The following PLS1 variants were observed in gnomAD, a reference collection of about 807,000 sequenced individuals.
The protein encoded by PLS1 is plastin 1, also known as plastin-1.
A neutral mutation model predicts 73.7 loss-of-function variants in PLS1; 32 were observed. The observed-to-expected ratio is 0.43, with a 90% CI of 0.33 to 0.58. The LOEUF is 0.58. Ranked by LOEUF, PLS1 falls within the 20% of genes least tolerant of loss-of-function variation. The pLI is 0.04. For missense variants in PLS1, 633 were observed against 740.5 expected (o/e 0.85, Z 1.68); for synonymous variants, 217 against 261.3 (o/e 0.83, Z 1.63).
At position 142,704,100 on chromosome 3, in the gene PLS1, A is replaced by G. The variant is rs1417712696; in HGVS notation, c.1505+99A>G. ...TTTTGAACAATAATGAACACAGAAGAAATATACAATGCAAAATATTTTAAT... is the reference window on the plus strand; with the variant it reads ...TTTTGAACAATAATGAACACAGAAGGAATATACAATGCAAAATATTTTAAT... On this transcript the variant is annotated intron_variant, in intron 13 of 15. Coordinates refer to ENST00000457734, the MANE Select transcript of PLS1 (RefSeq NM_001145319.2). 3.3e-5 allele frequency: 30 copies of G among 902,946 alleles called. No individual in the cohort carries two copies. In the East Asian group the frequency reaches 7.6e-4, roughly 23 times the overall value. 55.9% of individuals were successfully genotyped at this position (902,946 alleles called of 1,614,324 possible).
chr3:142,605,065 A>G (rs187111376), intron 1 of PLS1, among the ~76,000 whole-genome samples: 15 of 152,336 alleles, frequency 9.8e-5, no homozygotes, highest in African/African-American at 2.9e-4. Flanking sequence ...CAGTTGGCCT[A>G]TGATCAGAAC....
intron 1 of PLS1, among the ~76,000 whole-genome samples, chr3:142,634,295 A>G (rs1344440707): frequency 6.6e-6 from 1 of 152,218 alleles, no homozygotes; most frequent in Non-Finnish European, 1.5e-5. Flanking sequence ...ATTTGATGAA[A>G]CCTATAAACC....
chr3:142,706,336 G>C (rs887134604), intron 14 of PLS1, among the ~76,000 whole-genome samples: 1 of 152,144 alleles, frequency 6.6e-6, no homozygotes, highest in African/African-American at 2.4e-5. Context: ...CCAATTGAAT[G>C]GTCAGTGAAG....
At chr3:142,602,607 C>T (rs143318025) in intron 1 of PLS1, among the ~76,000 whole-genome samples, 1 of 152,046 alleles carries the variant, frequency 6.6e-6, no homozygotes, top group African/African-American at 2.4e-5. Flanking sequence ...AGGCCCCCCC[C>T]ACCCCATAGG....
At chr3:142,641,202 T>TATATCTATATTATATATAGATATATATA (rs1256041926) in intron 1 of PLS1, among the ~76,000 whole-genome samples, 33 of 145,746 alleles carry the variant, frequency 2.3e-4, no homozygotes, top group African/African-American at 5.5e-4. Context: ...CTGTCTATAT[T>TATATCTATATTATATATAGATATATATA]ATATCTATAT....
chr3:142,694,586 C>G (rs748018109), intron 11 of PLS1, 39 bp downstream of exon 11: 1 of 1,232,410 alleles, frequency 8.1e-7, no homozygotes, highest in Non-Finnish European at 1.2e-6. Context: ...CTGTCAGGGT[C>G]CAACTTTTCA....
rs757182929 is a variant in PLS1, at chr3:142,711,962, G to A, written c.1845G>A (p.Thr615=). The change falls in exon 16 of 16, where the codon ACG becomes ACA. Residue 615 remains threonine (T), a synonymous_variant. Coordinates refer to ENST00000457734, the MANE Select transcript of PLS1 (RefSeq NM_001145319.2). The stretch of plus-strand genomic sequence containing the variant: ...AAGTGAAACCAAAGATGGTTATGAC[G>A]GTGTTTGCATGCTTAATGGGAAAAG... The part of the protein sequence containing the change: ...LVEVKPKMVM[T]VFACLMGKGL... 18 of 1,613,120 alleles carry A rather than the reference G, an allele frequency of 1.1e-5. No individual in the cohort carries two copies. Among genetic ancestry groups the A allele is most frequent in the African/African-American group, 2.7e-5 (2 of 74,878 alleles).
chr3:142,655,842 G>A (rs540748276), intron 1 of PLS1, among the ~76,000 whole-genome samples: 6 of 152,140 alleles, frequency 3.9e-5, no homozygotes, highest in South Asian at 4.2e-4. Flanking sequence ...TGAAGTTCTC[G>A]AGGTCTCTAG....
At chr3:142,704,875 G>A (rs2038425324) in intron 14 of PLS1, among the ~76,000 whole-genome samples, 1 of 150,162 alleles carries the variant, frequency 6.7e-6, no homozygotes, top group Non-Finnish European at 1.5e-5. Flanking sequence ...AGCCAGGATG[G>A]TCTCGCTCTC....
At chr3:142,635,792 C>T (rs2036673868) in intron 1 of PLS1, among the ~76,000 whole-genome samples, 1 of 152,072 alleles carries the variant, frequency 6.6e-6, no homozygotes, top group Non-Finnish European at 1.5e-5. Context: ...TAGAATGGCC[C>T]AAACTATTTT....
intron 1 of PLS1, among the ~76,000 whole-genome samples, chr3:142,641,393 C>G (rs1219331100): frequency 6.7e-6 from 1 of 149,518 alleles, no homozygotes; most frequent in Non-Finnish European, 1.5e-5. Context: ...AATCTCACCA[C>G]CCTCATCCCC....
intron 3 of PLS1, among the ~76,000 whole-genome samples, chr3:142,670,786 A>T (rs1209446551): frequency 2.6e-5 from 4 of 152,230 alleles, no homozygotes; most frequent in African/African-American, 9.6e-5. Flanking sequence ...AGTTATAAAA[A>T]ATTTATTCCA....
chr3:142,680,433 C>G (rs2037824214), intron 6 of PLS1, among the ~76,000 whole-genome samples: 2 of 152,150 alleles, frequency 1.3e-5, no homozygotes, highest in Non-Finnish European at 2.9e-5. Context: ...ATTCAAGGTA[C>G]TTTGGATGCA....
At chr3:142,617,459 C>T (rs780889202) in intron 1 of PLS1, among the ~76,000 whole-genome samples, 22 of 152,020 alleles carry the variant, frequency 1.4e-4, no homozygotes, top group Non-Finnish European at 2.8e-4. Flanking sequence ...GCACTTGGGG[C>T]CTTGATCAGC....
At position 142,616,754 on chromosome 3, in the gene PLS1, C is replaced by T. The variant is rs1000387698; in HGVS notation, c.-37+20245C>T. Among the ~76,000 whole-genome samples the T allele has an allele frequency of 4.6e-5, 7 of 152,208 alleles. 1 individual carries two copies. In the South Asian group the frequency reaches 1.0e-3, roughly 23 times the overall value. ...AGTAGCTGGGATTACAGGCACCCGC[C>T]GTCATGCCTGGCCAATTTTTATATT... On this transcript the variant is annotated intron_variant, in intron 1 of 15. Transcript: ENST00000457734.
In PLS1 at chr3:142,604,379, G is replaced by A. The variant is rs183897759; in HGVS notation, c.-37+7870G>A. ...TGGAGAGCACTCTGAATTCTTTCCT[G>A]GCGGTCTCCCTTTTCCTTCCCCTCT... On this transcript the variant is annotated intron_variant, in intron 1 of 15. Coordinates refer to ENST00000457734, the MANE Select transcript of PLS1 (RefSeq NM_001145319.2). Among the ~76,000 whole-genome samples, 50 of 152,280 alleles carry A rather than the reference G, an allele frequency of 3.3e-4. 1 individual carries two copies. Among genetic ancestry groups the A allele is most frequent in the Admixed American group, 3.0e-3 (46 of 15,300 alleles).
chr3:142,676,879 T>C (rs1431407227), intron 5 of PLS1, among the ~76,000 whole-genome samples: 1 of 152,158 alleles, frequency 6.6e-6, no homozygotes, highest in Non-Finnish European at 1.5e-5. Context: ...AAAATAACCA[T>C]CAAAAATATC....
At chr3:142,705,913 T>C (rs990717936) in intron 14 of PLS1, among the ~76,000 whole-genome samples, 6 of 152,202 alleles carry the variant, frequency 3.9e-5, no homozygotes, top group African/African-American at 1.4e-4. Flanking sequence ...TGTTACTGCT[T>C]GTTTTTTTTG....
Position 142,625,254 on chromosome 3 carries a change from C to T in PLS1, c.-37+28745C>T, listed in dbSNP as rs575669220. On this transcript the variant is annotated intron_variant, in intron 1 of 15. Coordinates refer to ENST00000457734, the MANE Select transcript of PLS1 (RefSeq NM_001145319.2). ...CTGAGTGCCTGACTGCCTATTTTTT[C>T]TTCTAAGTGCTGATTTTAAGGCACT... is the stretch of plus-strand genomic sequence containing the variant. 1.9e-4 allele frequency among the ~76,000 whole-genome samples: 29 copies of T among 150,488 alleles called. No individual in the cohort carries two copies. The East Asian group carries it at 5.6e-3, about 29-fold the overall frequency.
Sources: gnomAD v4.1 joint callset for allele counts (sites outside exome capture counted in the v4.1 genomes callset) on GRCh38, gnomAD v4.1.1 for gene constraint, MANE v1.5 for transcripts, NCBI Gene and HGNC (gene_info 2026-07-23, HGNC 2026-07-21) for gene names.